The following EPSTI1 variants were observed in gnomAD, a reference collection of about 807,000 sequenced individuals.
The protein encoded by EPSTI1 is epithelial stromal interaction 1.
A neutral mutation model predicts 49.9 loss-of-function variants in EPSTI1; 66 were observed. The observed-to-expected ratio is 1.32, with a 90% CI of 1.08 to 1.62. The LOEUF (loss-of-function observed/expected upper bound fraction) is 1.62, where lower values mean the gene tolerates loss of function less well. EPSTI1 is among the 40% of genes most tolerant of loss of function. The pLI is 0.00. For synonymous variants in EPSTI1, 137 were observed against 130.7 expected (o/e 1.05, Z -0.33); for missense variants, 394 against 365.5 (o/e 1.08, Z -0.64).
intron 6 of EPSTI1, among the ~76,000 whole-genome samples, chr13:42,942,746 T>C (rs1040792129): frequency 1.5e-5 from 2 of 133,988 alleles, no homozygotes; most frequent in Non-Finnish European, 3.1e-5. Flanking sequence ...CAGACTGCAG[T>C]GGCGCAATCT....
intron 5 of EPSTI1, among the ~76,000 whole-genome samples, chr13:42,960,891 T>C (rs2039428202): frequency 6.6e-6 from 1 of 152,180 alleles, no homozygotes; most frequent in Non-Finnish European, 1.5e-5. Flanking sequence ...ATTGGGCACC[T>C]GGATATTGCA....
intron 6 of EPSTI1, among the ~76,000 whole-genome samples, chr13:42,930,630 T>G (rs192458519): frequency 1.5e-3 from 225 of 152,360 alleles, no homozygotes; most frequent in Non-Finnish European, 2.6e-3. Context: ...TTTACAGAAT[T>G]CTTTCCCTTC....
At chr13:42,950,928 G>A (rs527722364) in intron 6 of EPSTI1, among the ~76,000 whole-genome samples, 1 of 152,080 alleles carries the variant, frequency 6.6e-6, no homozygotes, top group Admixed American at 6.5e-5. Context: ...AGGTCAAGGC[G>A]GGTGGATCAC....
chr13:42,924,747 A>C lies in EPSTI1; in HGVS notation c.657+1589T>G, dbSNP rs114419155. 3.5e-3 allele frequency among the ~76,000 whole-genome samples: 537 copies of C among 152,316 alleles called. 2 individuals are homozygous for C. Among genetic ancestry groups the C allele is most frequent in the African/African-American group, 0.012 (514 of 41,564 alleles). ...CTTTAATATAAGTTGTAGGGCCCAC[A>C]CTGATGAATTTAGACTTTAGAACAT... On this transcript the variant is annotated intron_variant, in intron 7 of 10. Coordinates refer to ENST00000313624, the MANE Select transcript of EPSTI1 (RefSeq NM_033255.5).
intron 10 of EPSTI1, among the ~76,000 whole-genome samples, chr13:42,891,149 T>C (rs995875884): frequency 6.6e-6 from 1 of 152,264 alleles, no homozygotes. Flanking sequence ...CAAAATCTTG[T>C]GATTGTTTTG....
intron 5 of EPSTI1, among the ~76,000 whole-genome samples, chr13:42,958,166 G>A (rs1262282461): frequency 6.6e-6 from 1 of 152,142 alleles, no homozygotes; most frequent in East Asian, 1.9e-4. Flanking sequence ...ACCAACAAAT[G>A]AGGAATCAGA....
intron 1 of EPSTI1, among the ~76,000 whole-genome samples, chr13:42,989,583 T>TTTTTTTTTC (rs1555271100): frequency 1.2e-5 from 1 of 82,944 alleles, no homozygotes; most frequent in African/African-American, 3.8e-5. Context: ...TTTTTTTTTT[T>TTTTTTTTTC]GCTTTTTGTT....
At chr13:42,904,676 T>A (rs969159604) in intron 8 of EPSTI1, among the ~76,000 whole-genome samples, 5 of 152,088 alleles carry the variant, frequency 3.3e-5, no homozygotes, top group Non-Finnish European at 1.5e-5. Flanking sequence ...TGGAATACAA[T>A]GGAACAGTTA....
intron 8 of EPSTI1, among the ~76,000 whole-genome samples, chr13:42,911,232 GGAGA>G (rs1310125287): frequency 1.4e-5 from 2 of 142,370 alleles, no homozygotes; most frequent in East Asian, 2.3e-4. Context: ...AGAGAGGGAG[GGAGA>G]GAGAGAGAGT....
intron 6 of EPSTI1, among the ~76,000 whole-genome samples, chr13:42,936,156 T>C (rs1015252873): frequency 2.2e-4 from 33 of 152,360 alleles, no homozygotes; most frequent in African/African-American, 7.9e-4. Flanking sequence ...TCATATATTC[T>C]TTCTCAAGTT....
intron 8 of EPSTI1, among the ~76,000 whole-genome samples, chr13:42,907,253 T>C (rs903108249): frequency 6.6e-6 from 1 of 152,218 alleles, no homozygotes; most frequent in African/African-American, 2.4e-5. Context: ...TCAAAACTTA[T>C]CTGCACTCTA....
intron 6 of EPSTI1, among the ~76,000 whole-genome samples, chr13:42,953,174 C>A (rs1043620589): frequency 6.6e-6 from 1 of 150,946 alleles, no homozygotes; most frequent in African/African-American, 2.4e-5. Context: ...CTGTAATAGT[C>A]AGGCACTTTT....
intron 9 of EPSTI1, among the ~76,000 whole-genome samples, chr13:42,896,031 A>G (rs1446082115): frequency 6.6e-6 from 1 of 152,168 alleles, no homozygotes; most frequent in Non-Finnish European, 1.5e-5. Context: ...GTGGGAGATT[A>G]GGGAACTTTG....
intron 9 of EPSTI1, among the ~76,000 whole-genome samples, chr13:42,899,126 A>T (rs1210440410): frequency 6.6e-6 from 1 of 151,598 alleles, no homozygotes; most frequent in Non-Finnish European, 1.5e-5. Flanking sequence ...TGAACCCGGG[A>T]GGCAGAGTTT....
chr13:42,888,175 C>T lies in EPSTI1; in HGVS notation c.*319G>A, dbSNP rs1271403045. The T allele has an allele frequency of 1.3e-6, 2 of 1,533,694 alleles. No individual in the cohort carries two copies. Among genetic ancestry groups the T allele is most frequent in the African/African-American group, 2.7e-5 (2 of 72,946 alleles). ...AAAGACAAGCCTGTAGCACCCATAG[C>T]TCTGATTAACCTGAAAGCATCAAGT... is the stretch of plus-strand genomic sequence containing the variant. On this transcript the variant is annotated 3_prime_UTR_variant, in exon 11 of 11. Coordinates refer to ENST00000313624, the MANE Select transcript of EPSTI1 (RefSeq NM_033255.5).
chr13:42,955,644 A>G (rs1314925999), intron 5 of EPSTI1, among the ~76,000 whole-genome samples: 2 of 152,024 alleles, frequency 1.3e-5, no homozygotes, highest in Non-Finnish European at 2.9e-5. Context: ...TCTACTAAAA[A>G]TTTAAAAATT....
At chr13:42,936,493 T>G (rs766165651) in intron 6 of EPSTI1, among the ~76,000 whole-genome samples, 2 of 152,178 alleles carry the variant, frequency 1.3e-5, no homozygotes, top group Non-Finnish European at 2.9e-5. Flanking sequence ...ATTGACTAAT[T>G]TCTCCTTTCG....
At position 42,900,331 on chromosome 13, in the gene EPSTI1, ATTTT is replaced by A. The variant is rs1391886914; in HGVS notation, c.790_793del (p.Lys264SerfsTer9). On this transcript the variant is annotated frameshift_variant, in exon 9 of 11. Transcript: ENST00000313624. LOFTEE classifies it high-confidence loss of function. ...TTACCTCCTGTGTTCAGTCTGGTGG[ATTTT>A]GGCTCTTTCTTGCTCTTGCTGCTGC... 6.2e-7 allele frequency: 1 copy of A among 1,613,612 alleles called. No individual in the cohort carries two copies. The highest frequency in any genetic ancestry group is 8.5e-7 in the Non-Finnish European group (1 of 1,179,732).
chr13:42,954,140 T>C (rs1394704937), intron 5 of EPSTI1, 119 bp from the exon 6 acceptor site: 8 of 734,772 alleles, frequency 1.1e-5, no homozygotes, highest in Non-Finnish European at 1.5e-5. Flanking sequence ...TCTAATACAG[T>C]ATCCTGCTAG....
Sources: gnomAD v4.1 joint callset for allele counts (sites outside exome capture counted in the v4.1 genomes callset) on GRCh38, gnomAD v4.1.1 for gene constraint, MANE v1.5 for transcripts, NCBI Gene and HGNC (gene_info 2026-07-23, HGNC 2026-07-21) for gene names.